Variants in EPS15L1 observed in about 807,000 individuals in gnomAD.
EPS15L1 encodes epidermal growth factor receptor pathway substrate 15 like 1.
EPS15L1 carries 43 observed loss-of-function variants against 117.1 expected under a neutral mutation model. The observed-to-expected ratio is 0.37, with a 90% CI of 0.29 to 0.47. The LOEUF is 0.47. EPS15L1 is among the 20% of genes least tolerant of loss of function. EPS15L1 has a pLI of 0.99. For missense variants in EPS15L1, 981 were observed against 1,164.0 expected, an observed-to-expected ratio of 0.84 and a Z score of 2.29; for synonymous variants, 459 against 470.5, an observed-to-expected ratio of 0.98 and a Z score of 0.32.
chr19:16,389,611 A>G (rs151038768), intron 19 of EPS15L1, among the ~76,000 whole-genome samples: 3,001 of 152,312 alleles, frequency 0.02, 43 homozygotes, highest in Non-Finnish European at 0.033. Context: ...GTAAAACTAA[A>G]TGACTACTTT....
chr19:16,465,057 C>A (rs1471744070), intron 1 of EPS15L1, among the ~76,000 whole-genome samples: 5 of 148,428 alleles, frequency 3.4e-5, no homozygotes, highest in East Asian at 3.9e-4. Flanking sequence ...CCAGCCTGGG[C>A]AACAGAGCGA....
chr19:16,441,799 C>T lies in EPS15L1; in HGVS notation c.165+93G>A. ...AGGCCACTACCCAGGAGGCCGGGCCCCATGGAAGGAGGCCTGCACAGGCTG... is the reference window on the plus strand; with the variant it reads ...AGGCCACTACCCAGGAGGCCGGGCCTCATGGAAGGAGGCCTGCACAGGCTG... On this transcript the variant is annotated intron_variant, in intron 3 of 23. Transcript: ENST00000455140. The T allele has an allele frequency of 5.3e-6, 5 of 946,256 alleles. No homozygotes were observed. In the South Asian group the frequency reaches 8.0e-5, roughly 15 times the overall value. The allele number at this position is 946,256 out of a possible 1,614,324, so 58.6% of individuals were successfully genotyped here.
At position 16,471,873 on chromosome 19, in the gene EPS15L1, C is replaced by A; in HGVS notation, c.33+40G>T. The stretch of plus-strand genomic sequence containing the variant: ...CTCGCCGCACCGCTCGCCTCGCGCC[C>A]CGCACCCCGGCGCCGCCCCCAGGCC... On this transcript the variant is annotated intron_variant, in intron 1 of 23. Transcript: ENST00000455140. This position sits in a 1 kb window ranked among gnomAD's most constrained non-coding sequence, Gnocchi z 4.8. 1 of 1,242,720 alleles carries A rather than the reference C, an allele frequency of 8.0e-7. No individual in the cohort carries two copies. Among genetic ancestry groups the A allele is most frequent in the Non-Finnish European group, 1.0e-6 (1 of 968,720 alleles). 77.0% of individuals were successfully genotyped at this position (1,242,720 alleles called of 1,614,324 possible).
intron 1 of EPS15L1, among the ~76,000 whole-genome samples, chr19:16,469,376 C>T (rs1223186679): frequency 6.6e-6 from 1 of 151,958 alleles, no homozygotes; most frequent in Non-Finnish European, 1.5e-5. Context: ...CACAGGGCAC[C>T]GGGGTTAAGG....
At position 16,425,396 on chromosome 19, in the gene EPS15L1, T is replaced by C. The variant is rs1191899220; in HGVS notation, c.559-80A>G. The C allele has an allele frequency of 3.1e-6, 3 of 973,174 alleles. No homozygotes were observed. In the African/African-American group the frequency reaches 4.9e-5, roughly 16 times the overall value. The allele number at this position is 973,174 out of a possible 1,614,324, so 60.3% of individuals were successfully genotyped here. On this transcript the variant is annotated intron_variant, in intron 8 of 23. Coordinates refer to ENST00000455140, the MANE Select transcript of EPS15L1 (RefSeq NM_001258374.3). ...CAGGAGAAGGCAGAGGGCAGCCCTT[T>C]GGGGGCTGCAGTGACAGGACACTCT...
At chr19:16,374,858 C>A (rs1392041495) in intron 22 of EPS15L1, among the ~76,000 whole-genome samples, 2 of 152,186 alleles carry the variant, frequency 1.3e-5, no homozygotes, top group African/African-American at 2.4e-5. Flanking sequence ...TGTATGAGCA[C>A]ACACGCACGC....
At chr19:16,458,756 TCA>T (rs2093220605) in intron 1 of EPS15L1, among the ~76,000 whole-genome samples, 1 of 151,836 alleles carries the variant, frequency 6.6e-6, no homozygotes, top group Non-Finnish European at 1.5e-5. Context: ...CCACATACAC[TCA>T]CACTCACATA....
intron 21 of EPS15L1, among the ~76,000 whole-genome samples, chr19:16,382,254 C>T (rs895637222): frequency 2.0e-5 from 3 of 152,210 alleles, no homozygotes; most frequent in African/African-American, 7.2e-5. Context: ...CCAGAATGCC[C>T]GCGTCATTTC....
rs3786584 is a variant in EPS15L1, at chr19:16,375,304, A to C, written c.2380+1818T>G. ...CATGTGCAAACAGGTGCATGCATGC[A>C]TGTGTCTGCAGGCGTGGAGGATGTG... is the stretch of plus-strand genomic sequence containing the variant. On this transcript the variant is annotated intron_variant, in intron 22 of 23. Transcript: ENST00000455140. Among the ~76,000 whole-genome samples the C allele has an allele frequency of 9.5e-3, 1,440 of 151,092 alleles. 18 individuals carry two copies. The highest frequency in any genetic ancestry group is 0.044 in the South Asian group (213 of 4,812).
In EPS15L1 at chr19:16,369,807, TTG is replaced by T. The variant is rs2092195236; in HGVS notation, c.2380+7313_2380+7314del. 2.0e-5 allele frequency among the ~76,000 whole-genome samples: 3 copies of T among 152,126 alleles called. No individual in the cohort carries two copies. In the South Asian group the frequency reaches 6.2e-4, roughly 32 times the overall value. On this transcript the variant is annotated intron_variant, in intron 22 of 23. Transcript: ENST00000455140. ...GGCAGGTGTCACAATTCTGGCTTCT[TTG>T]AAAATTCGCATTTGTTCTCTGGCGG...
intron 1 of EPS15L1, among the ~76,000 whole-genome samples, chr19:16,446,902 T>C (rs893460220): frequency 6.6e-6 from 1 of 152,266 alleles, no homozygotes; most frequent in African/African-American, 2.4e-5. Flanking sequence ...ATAATGGCTA[T>C]GTTTTTCAAT....
chr19:16,414,199 A>G (rs2092734922), intron 12 of EPS15L1, among the ~76,000 whole-genome samples: 1 of 152,192 alleles, frequency 6.6e-6, no homozygotes, highest in Admixed American at 6.5e-5. Flanking sequence ...GGCAGTGTCC[A>G]GGAGCATGGA....
intron 22 of EPS15L1, among the ~76,000 whole-genome samples, chr19:16,369,663 T>C (rs1199232346): frequency 4.2e-5 from 5 of 120,346 alleles, no homozygotes; most frequent in African/African-American, 1.7e-4. Flanking sequence ...GCACCAGCCC[T>C]GGAAGAAAAA....
chr19:16,432,323 C>T (rs2092936308), intron 7 of EPS15L1, among the ~76,000 whole-genome samples: 1 of 152,096 alleles, frequency 6.6e-6, no homozygotes, highest in Non-Finnish European at 1.5e-5. Context: ...AATCCCAGCA[C>T]TTTGGGAGGC....
At chr19:16,443,847 G>A (rs991544270) in intron 1 of EPS15L1, among the ~76,000 whole-genome samples, 1 of 151,890 alleles carries the variant, frequency 6.6e-6, no homozygotes, top group Non-Finnish European at 1.5e-5. Flanking sequence ...GGCAGATCAC[G>A]AGGTCAGGAG....
intron 13 of EPS15L1, chr19:16,413,300 T>C: frequency 3.0e-6 from 2 of 667,494 alleles, no homozygotes; most frequent in South Asian, 3.2e-5. Flanking sequence ...CCAGGGGCAC[T>C]GGCATTGTCT....
At chr19:16,392,775 C>T (rs2092491750) in intron 18 of EPS15L1, among the ~76,000 whole-genome samples, 1 of 152,054 alleles carries the variant, frequency 6.6e-6, no homozygotes, top group African/African-American at 2.4e-5. Context: ...ATATCCTGGC[C>T]AGGCACAATG....
At position 16,404,157 on chromosome 19, in the gene EPS15L1, C is replaced by T. The variant is rs578090429; in HGVS notation, c.1429-227G>A. 5.7e-4 allele frequency among the ~76,000 whole-genome samples: 87 copies of T among 152,250 alleles called. No homozygotes were observed. The highest frequency in any genetic ancestry group is 1.1e-3 in the Non-Finnish European group (78 of 68,020). On this transcript the variant is annotated intron_variant, in intron 14 of 23. Coordinates refer to ENST00000455140, the MANE Select transcript of EPS15L1 (RefSeq NM_001258374.3). The surrounding 1 kb of genome is among the most constrained non-coding windows in gnomAD (Gnocchi z 4.2). ...TCCCACTGTGGCTAACGGAAGATCA[C>T]TTTGGAATAATGAGGGGCATGACCA... is the stretch of plus-strand genomic sequence containing the variant.
At chr19:16,440,275 A>T (rs1463207044) in intron 4 of EPS15L1, among the ~76,000 whole-genome samples, 2 of 151,918 alleles carry the variant, frequency 1.3e-5, no homozygotes, top group Non-Finnish European at 2.9e-5. Flanking sequence ...TCTACTAAAA[A>T]TACAAAAATT....
Sources: allele counts gnomAD v4.1 joint callset (sites outside exome capture counted in the v4.1 genomes callset), GRCh38; gene constraint gnomAD v4.1.1; non-coding constraint Gnocchi (gnomAD v3.1); transcripts MANE v1.5; gene names NCBI Gene and HGNC (gene_info 2026-07-23, HGNC 2026-07-21).